Variants in ITPR2 observed in about 807,000 individuals in gnomAD.
ITPR2 encodes the protein inositol 1,4,5-trisphosphate receptor type 2.
A neutral mutation model predicts 317.1 loss-of-function variants in ITPR2; 207 were observed. The observed-to-expected ratio is 0.65, with a 90% CI of 0.58 to 0.73. The LOEUF (loss-of-function observed/expected upper bound fraction) is 0.73. Among genes scored for constraint, ITPR2 ranks in the 30% least tolerant of loss-of-function variants. The pLI, the probability that ITPR2 is intolerant of heterozygous loss-of-function variation, is 0.00. For synonymous variants in ITPR2, 1,156 were observed against 1,149.1 expected, an observed-to-expected ratio of 1.01 and a Z score of -0.12; for missense variants, 2,613 against 3,284.0, an observed-to-expected ratio of 0.80 and a Z score of 4.99.
At chr12:26,629,723 T>C (rs1391140648) in intron 22 of ITPR2, among the ~76,000 whole-genome samples, 1 of 152,070 alleles carries the variant, frequency 6.6e-6, no homozygotes, top group East Asian at 1.9e-4. Context: ...TGTCTCAGTC[T>C]CTCTCTTTCT....
chr12:26,436,920 T>C (rs1469930143), intron 47 of ITPR2, among the ~76,000 whole-genome samples: 1 of 152,210 alleles, frequency 6.6e-6, no homozygotes, highest in Non-Finnish European at 1.5e-5. Context: ...ACCTTAAATC[T>C]TCCTAAGAAC....
intron 37 of ITPR2, among the ~76,000 whole-genome samples, chr12:26,505,986 A>G (rs879684428): frequency 2.6e-5 from 4 of 151,762 alleles, no homozygotes; most frequent in Non-Finnish European, 4.4e-5. Context: ...CTAAAACTAC[A>G]AGGCACTCAG....
At chr12:26,738,157 T>C (rs965819621) in intron 2 of ITPR2, among the ~76,000 whole-genome samples, 10 of 152,200 alleles carry the variant, frequency 6.6e-5, no homozygotes, top group African/African-American at 2.4e-4. Flanking sequence ...ATTGTTCCCA[T>C]GTTACAGATC....
chr12:26,406,819 T>C (rs1940368726), intron 52 of ITPR2, among the ~76,000 whole-genome samples: 1 of 152,342 alleles, frequency 6.6e-6, no homozygotes, highest in African/African-American at 2.4e-5. Flanking sequence ...TGCCAAACGC[T>C]AGCAGATCAA....
At chr12:26,421,796 A>G (rs1565517523) in intron 49 of ITPR2, among the ~76,000 whole-genome samples, 1 of 152,212 alleles carries the variant, frequency 6.6e-6, no homozygotes. Context: ...CAAGGACCAT[A>G]ACTGTCCTAT....
At chr12:26,420,218 A>C (rs1028945485) in intron 49 of ITPR2, among the ~76,000 whole-genome samples, 1 of 152,174 alleles carries the variant, frequency 6.6e-6, no homozygotes, top group South Asian at 2.1e-4. Flanking sequence ...TTAGTCATCA[A>C]GGAAAGAATT....
At chr12:26,579,916 G>A (rs1432186602) in intron 33 of ITPR2, 111 bp downstream of exon 33, 1 of 758,882 alleles carries the variant, frequency 1.3e-6, no homozygotes, top group Non-Finnish European at 2.1e-6. Flanking sequence ...TAATATAAGA[G>A]AAGAATAAAC....
intron 42 of ITPR2, among the ~76,000 whole-genome samples, chr12:26,481,532 C>T (rs1394466749): frequency 6.6e-6 from 1 of 152,162 alleles, no homozygotes; most frequent in African/African-American, 2.4e-5. Flanking sequence ...AGTTAAATAT[C>T]CTTCCATTCA....
At chr12:26,362,872 G>A (rs1318260952) in intron 55 of ITPR2, among the ~76,000 whole-genome samples, 3 of 152,194 alleles carry the variant, frequency 2.0e-5, no homozygotes, top group African/African-American at 7.2e-5. Context: ...GGAACCTACT[G>A]ATGGGTGATC....
At chr12:26,417,377 T>C (rs1940751657) in intron 50 of ITPR2, among the ~76,000 whole-genome samples, 1 of 152,174 alleles carries the variant, frequency 6.6e-6, no homozygotes, top group African/African-American at 2.4e-5. Flanking sequence ...TTATCTGATA[T>C]GGTTTGGCTC....
At chr12:26,451,243 G>A (rs1223262293) in intron 45 of ITPR2, among the ~76,000 whole-genome samples, 1 of 152,036 alleles carries the variant, frequency 6.6e-6, no homozygotes, top group African/African-American at 2.4e-5. Context: ...CAAACCTGGG[G>A]AAGAGACAAC....
At chr12:26,557,631 C>A (rs1334101317) in intron 35 of ITPR2, among the ~76,000 whole-genome samples, 1 of 152,120 alleles carries the variant, frequency 6.6e-6, no homozygotes, top group African/African-American at 2.4e-5. Flanking sequence ...GTTTTAGGGG[C>A]CCAGGCCTAC....
chr12:26,832,179 T>G (rs1951122654), intron 1 of ITPR2, among the ~76,000 whole-genome samples: 1 of 152,032 alleles, frequency 6.6e-6, no homozygotes, highest in Admixed American at 6.6e-5. Context: ...GAGGGGACGG[T>G]GAGCTCCTCC....
rs564111585 is a variant in ITPR2, at chr12:26,467,274, GA to G, written c.6342+8021del. ...AAAGTGGATTAATGAAGACTATCAGGAAATCCAAAAAATTTCTTTAGCATGA... is the reference window on the plus strand; with the variant it reads ...AAAGTGGATTAATGAAGACTATCAGGAATCCAAAAAATTTCTTTAGCATGA... On this transcript the variant is annotated intron_variant, in intron 45 of 56. Transcript: ENST00000381340. Among the ~76,000 whole-genome samples the G allele has an allele frequency of 1.9e-3, 289 of 152,126 alleles. 1 individual carries two copies. The highest frequency in any genetic ancestry group is 0.012 in the South Asian group (58 of 4,812).
At chr12:26,483,993 T>C in intron 41 of ITPR2, 95 bp from the exon 42 acceptor site, 2 of 1,084,426 alleles carry the variant, frequency 1.8e-6, no homozygotes, top group South Asian at 1.5e-5. Flanking sequence ...CTAACTTTTC[T>C]TTGTAAGAAA....
intron 39 of ITPR2, among the ~76,000 whole-genome samples, chr12:26,492,563 C>A (rs1408225269): frequency 7.9e-5 from 12 of 151,976 alleles, no homozygotes; most frequent in South Asian, 2.1e-4. Flanking sequence ...ATTGACAGAA[C>A]TTCCTGGTTT....
At chr12:26,759,927 G>A (rs924310335) in intron 2 of ITPR2, among the ~76,000 whole-genome samples, 1 of 152,226 alleles carries the variant, frequency 6.6e-6, no homozygotes, top group Non-Finnish European at 1.5e-5. Flanking sequence ...GATGGAAAAT[G>A]TAATTAGTCA....
chr12:26,437,582 A>G (rs1023260209), intron 47 of ITPR2, among the ~76,000 whole-genome samples: 1 of 152,206 alleles, frequency 6.6e-6, no homozygotes, highest in Non-Finnish European at 1.5e-5. Context: ...AATTCTCACT[A>G]TTGAATCCAC....
intron 54 of ITPR2, among the ~76,000 whole-genome samples, chr12:26,389,105 G>A (rs563744018): frequency 6.6e-6 from 1 of 152,192 alleles, no homozygotes; most frequent in South Asian, 2.1e-4. Context: ...TCCCTCATGT[G>A]GATTACTGCA....
Sources: gnomAD v4.1 joint callset for allele counts (sites outside exome capture counted in the v4.1 genomes callset) on GRCh38, gnomAD v4.1.1 for gene constraint, MANE v1.5 for transcripts, NCBI Gene and HGNC (gene_info 2026-07-23, HGNC 2026-07-21) for gene names.